The following CR1L variants were observed in gnomAD, a reference collection of about 807,000 sequenced individuals.
The protein encoded by CR1L is complement component receptor 1-like protein.
In CR1L, 59 loss-of-function variants were observed where a neutral mutation model predicts 62.3. That is an observed-to-expected ratio of 0.95 (90% confidence interval 0.77 to 1.18). CR1L has a LOEUF of 1.18. Ranked by LOEUF, CR1L falls within the 50% of genes most tolerant of loss-of-function variation. CR1L has a pLI of 0.00. For synonymous variants in CR1L, 279 were observed against 248.7 expected, an observed-to-expected ratio of 1.12 and a Z score of -1.15; for missense variants, 700 against 702.8, an observed-to-expected ratio of 1.00 and a Z score of 0.04.
intron 3 of CR1L, among the ~76,000 whole-genome samples, chr1:207,681,413 T>C (rs1416153574): frequency 6.6e-6 from 1 of 152,222 alleles, no homozygotes; most frequent in East Asian, 1.9e-4. Context: ...AGTCCCTGGC[T>C]CTCCTTAAAA....
intron 4 of CR1L, among the ~76,000 whole-genome samples, chr1:207,688,814 A>G (rs961319611): frequency 3.9e-5 from 6 of 152,106 alleles, no homozygotes; most frequent in South Asian, 4.1e-4. Context: ...TTATTACTAC[A>G]TATTATTTTT....
At chr1:207,711,311 T>G (rs182201451) in intron 10 of CR1L, 16 of 171,756 alleles carry the variant, frequency 9.3e-5, no homozygotes, top group Admixed American at 2.7e-4. Context: ...GTGCAACCAC[T>G]GAGCTGGGAA....
At chr1:207,712,761 T>C (rs542766563) in intron 10 of CR1L, among the ~76,000 whole-genome samples, 1 of 152,318 alleles carries the variant, frequency 6.6e-6, no homozygotes, top group Admixed American at 6.5e-5. Context: ...TTTTTTCTTC[T>C]CGTGAAATCC....
chr1:207,715,426 T>G (rs1653971164), intron 10 of CR1L: 1 of 1,412,074 alleles, frequency 7.1e-7, no homozygotes, highest in African/African-American at 1.4e-5. Flanking sequence ...GTAGTTTGGA[T>G]AGCTCTCCTT....
At chr1:207,656,213 G>C (rs1249880206) in intron 1 of CR1L, among the ~76,000 whole-genome samples, 1 of 152,122 alleles carries the variant, frequency 6.6e-6, no homozygotes, top group Non-Finnish European at 1.5e-5. Flanking sequence ...ACTCCAGCCT[G>C]GGCGACAGAG....
intron 1 of CR1L, among the ~76,000 whole-genome samples, chr1:207,664,804 A>G (rs1182435837): frequency 6.6e-6 from 1 of 152,324 alleles, no homozygotes; most frequent in African/African-American, 2.4e-5. Context: ...ATTGTCAGTC[A>G]TTTTTTGTCA....
chr1:207,679,245 C>A (rs559854615), intron 3 of CR1L, among the ~76,000 whole-genome samples: 1 of 148,764 alleles, frequency 6.7e-6, no homozygotes, highest in Non-Finnish European at 1.5e-5. Context: ...TCTCATGATC[C>A]GCCCACCTCC....
intron 1 of CR1L, among the ~76,000 whole-genome samples, chr1:207,651,892 G>A (rs147790700): frequency 2.4e-4 from 37 of 152,302 alleles, no homozygotes; most frequent in African/African-American, 7.9e-4. Context: ...TTTAAGTAGT[G>A]TATATTCACT....
intron 1 of CR1L, among the ~76,000 whole-genome samples, chr1:207,664,245 T>C (rs10779353): frequency 0.55 from 83,152 of 152,050 alleles, 23,237 homozygotes; most frequent in East Asian, 0.68. Context: ...TTAGCCTGCG[T>C]AGACTATGCT....
Position 207,718,072 on chromosome 1 carries a change from A to G in CR1L, c.1642+381A>G, listed in dbSNP as rs538688924. Among the ~76,000 whole-genome samples, 62 of 152,364 alleles carry G rather than the reference A, an allele frequency of 4.1e-4. 1 individual carries two copies. In the South Asian group the frequency reaches 4.4e-3, roughly 11 times the overall value. ...GGAGAGATGGATGTGCTGCGCAAAA[A>G]GTACATGATGATGTAATTTACTTCA... On this transcript the variant is annotated intron_variant, in intron 11 of 11. Coordinates refer to ENST00000508064, the MANE Select transcript of CR1L (RefSeq NM_175710.2).
intron 4 of CR1L, among the ~76,000 whole-genome samples, chr1:207,692,820 T>C (rs1373045586): frequency 6.6e-6 from 1 of 152,088 alleles, no homozygotes; most frequent in Non-Finnish European, 1.5e-5. Context: ...ATCTTGTGTT[T>C]CTTGTAATGA....
At chr1:207,691,482 A>G (rs906464157) in intron 4 of CR1L, among the ~76,000 whole-genome samples, 2 of 151,942 alleles carry the variant, frequency 1.3e-5, no homozygotes, top group African/African-American at 4.8e-5. Flanking sequence ...TTAATAATAA[A>G]AAGTTAAAAT....
Position 207,645,286 on chromosome 1 carries a change from G to A in CR1L, c.53G>A (p.Gly18Glu), listed in dbSNP as rs766427239. Residue 18 changes from glycine to glutamate, a missense_variant, in exon 1 of 12, where the codon GGG becomes GAG. Transcript: ENST00000508064. ...ERPFPSRRFPGLLLAALVLLL... is the reference protein window; with the variant it reads ...ERPFPSRRFPELLLAALVLLL... ...CCCTTTCCTTCCCGGCGCTTTCCTG[G>A]GTTGCTTCTGGCGGCCCTGGTGTTG... 2 of 1,613,916 alleles carry A rather than the reference G, an allele frequency of 1.2e-6. No homozygotes were observed. The highest frequency in any genetic ancestry group is 1.7e-6 in the Non-Finnish European group (2 of 1,180,014).
chr1:207,648,801 G>C (rs1663176760), intron 1 of CR1L, among the ~76,000 whole-genome samples: 1 of 152,152 alleles, frequency 6.6e-6, no homozygotes, highest in African/African-American at 2.4e-5. Flanking sequence ...GTCCATATCT[G>C]GTCACCTGCC....
At chr1:207,682,436 G>A (rs1301387001) in intron 3 of CR1L, among the ~76,000 whole-genome samples, 1 of 152,078 alleles carries the variant, frequency 6.6e-6, no homozygotes, top group Non-Finnish European at 1.5e-5. Flanking sequence ...TCCAGCCTGG[G>A]CGACAAGAGT....
At position 207,694,366 on chromosome 1, in the gene CR1L, G is replaced by A; in HGVS notation, c.477G>A (p.Gly159=). Residue 159 remains glycine, a synonymous_variant, in exon 5 of 12, where the codon GGG becomes GGA. Coordinates refer to ENST00000508064, the MANE Select transcript of CR1L (RefSeq NM_175710.2). ...KTPVCDRIIC[G]LPPTIANGDF... ...TTCCTTTCCCAGGAATTATTTGTGG[G>A]CTACCCCCCACCATCGCCAATGGAG... is the stretch of plus-strand genomic sequence containing the variant. 6.2e-7 allele frequency: 1 copy of A among 1,613,936 alleles called. No homozygotes were observed. The highest frequency in any genetic ancestry group is 8.5e-7 in the Non-Finnish European group (1 of 1,179,872).
chr1:207,692,569 T>A (rs1012465403), intron 4 of CR1L, among the ~76,000 whole-genome samples: 1 of 152,204 alleles, frequency 6.6e-6, no homozygotes, highest in Non-Finnish European at 1.5e-5. Context: ...TGACCACCTC[T>A]CAGTCGCAGC....
intron 1 of CR1L, among the ~76,000 whole-genome samples, chr1:207,654,399 A>C (rs1663273827): frequency 6.6e-6 from 1 of 152,222 alleles, no homozygotes; most frequent in African/African-American, 2.4e-5. Flanking sequence ...CCCTCCTAAA[A>C]GAAGTTCTAA....
In CR1L at chr1:207,689,373, G is replaced by T. The variant is rs138819223; in HGVS notation, c.464-4980G>T. 8.6e-3 allele frequency among the ~76,000 whole-genome samples: 1,309 copies of T among 152,168 alleles called. 18 individuals are homozygous for T. The highest frequency in any genetic ancestry group is 0.024 in the African/African-American group (1,014 of 41,528). On this transcript the variant is annotated intron_variant, in intron 4 of 11. Transcript: ENST00000508064. Reference sequence around the variant, plus strand: ...CTATCTATGAAATGTGTGTGAGTGTGTGTGTGGTGTGTGTGTGCAGGATTG... The same window carrying T: ...CTATCTATGAAATGTGTGTGAGTGTTTGTGTGGTGTGTGTGTGCAGGATTG...
Sources: allele counts gnomAD v4.1 joint callset (sites outside exome capture counted in the v4.1 genomes callset), GRCh38; gene constraint gnomAD v4.1.1; transcripts MANE v1.5; gene names NCBI Gene and HGNC (gene_info 2026-07-23, HGNC 2026-07-21).